Variants in NOL4L observed in about 807,000 individuals in gnomAD.
NOL4L encodes the protein nucleolar protein 4-like.
A neutral mutation model predicts 64.5 loss-of-function variants in NOL4L; 7 were observed. That is an observed-to-expected ratio of 0.11 (90% CI 0.06 to 0.20). The LOEUF is 0.20. Among genes scored for constraint, NOL4L ranks in the 10% least tolerant of loss-of-function variants. NOL4L has a pLI of 1.00. For synonymous variants in NOL4L, 413 were observed against 401.0 expected, an observed-to-expected ratio of 1.03 and a Z score of -0.36; for missense variants, 680 against 967.1, an observed-to-expected ratio of 0.70 and a Z score of 3.94.
At chr20:32,458,289 C>T (rs1384049552) in intron 5 of NOL4L, among the ~76,000 whole-genome samples, 1 of 152,230 alleles carries the variant, frequency 6.6e-6, no homozygotes, top group Non-Finnish European at 1.5e-5. Flanking sequence ...ATCTGCCTGC[C>T]ATGACACCTC....
At chr20:32,490,383 A>T (rs1028986810) in intron 4 of NOL4L, among the ~76,000 whole-genome samples, 1 of 152,004 alleles carries the variant, frequency 6.6e-6, no homozygotes, top group African/African-American at 2.4e-5. Flanking sequence ...AAGAGATGAC[A>T]TTTACTGTGA....
chr20:32,475,455 G>A (rs1212099963), intron 4 of NOL4L: 1 of 456,074 alleles, frequency 2.2e-6, no homozygotes, highest in South Asian at 9.3e-5. Context: ...CAAACAGCCG[G>A]ATGGCCTGCT....
rs1295433286 is a variant in NOL4L at position 32,452,801 on chromosome 20, G to A, written c.1620+83C>T. The A allele has an allele frequency of 1.3e-5, 21 of 1,573,670 alleles. No homozygotes were observed. The Admixed American group carries it at 3.6e-4, about 27-fold the overall frequency. On this transcript the variant is annotated intron_variant, in intron 9 of 10. Coordinates refer to ENST00000621426, the MANE Select transcript of NOL4L (RefSeq NM_001256798.2). Reference sequence around the variant, plus strand: ...CCTTCTCCCGACTGTACCCATCACAGCTCCCTCAGTCCACACCCATATAAG... The same window carrying A: ...CCTTCTCCCGACTGTACCCATCACAACTCCCTCAGTCCACACCCATATAAG...
rs984096130 is a variant in NOL4L at position 32,514,853 on chromosome 20, C to A, written c.590-3397G>T. On this transcript the variant is annotated intron_variant, in intron 3 of 10. Transcript: ENST00000621426. Reference sequence around the variant, plus strand: ...CATTTCTGTTTCCTCTAAGAGGAGGCTGTCTGGTGAGAAGCTGTTAAGCAC... The same window carrying A: ...CATTTCTGTTTCCTCTAAGAGGAGGATGTCTGGTGAGAAGCTGTTAAGCAC... Among the ~76,000 whole-genome samples the A allele has an allele frequency of 2.0e-5, 3 of 152,194 alleles. No homozygotes were observed. The South Asian group carries it at 6.2e-4, about 32-fold the overall frequency.
intron 4 of NOL4L, among the ~76,000 whole-genome samples, chr20:32,477,331 C>T (rs540236630): frequency 6.6e-6 from 1 of 152,320 alleles, no homozygotes; most frequent in South Asian, 2.1e-4. Flanking sequence ...CGAGCTAACA[C>T]GAGGCAGAGC....
At chr20:32,535,441 C>G (rs1385967540) in intron 1 of NOL4L, 1 of 239,486 alleles carries the variant, frequency 4.2e-6, no homozygotes. Context: ...TAGCACCTGC[C>G]TCTTCTCCAC....
At chr20:32,517,913 T>C (rs1318467173) in intron 3 of NOL4L, among the ~76,000 whole-genome samples, 1 of 152,220 alleles carries the variant, frequency 6.6e-6, no homozygotes. Context: ...CTGGGAGAGC[T>C]TGGATGTATG....
At chr20:32,483,495 C>G in intron 4 of NOL4L, 1 of 984,140 alleles carries the variant, frequency 1.0e-6, no homozygotes, top group Non-Finnish European at 1.2e-6. Context: ...GGGGCTGGCA[C>G]CACCGCGGCG....
chr20:32,469,282 G>A (rs1247850498), intron 5 of NOL4L, among the ~76,000 whole-genome samples: 1 of 152,144 alleles, frequency 6.6e-6, no homozygotes, highest in African/African-American at 2.4e-5. Flanking sequence ...TGGTTACTTA[G>A]ATACATAGAA....
chr20:32,498,238 C>G (rs1178819594), intron 4 of NOL4L, among the ~76,000 whole-genome samples: 2 of 152,188 alleles, frequency 1.3e-5, no homozygotes, highest in Non-Finnish European at 2.9e-5. Context: ...ACACAGACCT[C>G]TCCCAGCTCA....
chr20:32,498,655 C>A (rs991417581), intron 4 of NOL4L, among the ~76,000 whole-genome samples: 1 of 146,076 alleles, frequency 6.8e-6, no homozygotes, highest in South Asian at 2.2e-4. Context: ...TCCAGCTACT[C>A]GGGAGGCTGA....
At chr20:32,554,320 C>CA (rs58257913) in intron 1 of NOL4L, among the ~76,000 whole-genome samples, 11,973 of 63,614 alleles carry the variant, frequency 0.19, 1,849 homozygotes, top group African/African-American at 0.44. Context: ...GACTCTGCCT[C>CA]AAAAAAAAAA....
intron 1 of NOL4L, among the ~76,000 whole-genome samples, chr20:32,578,454 C>T (rs1186816716): frequency 1.3e-5 from 2 of 152,178 alleles, no homozygotes; most frequent in Non-Finnish European, 2.9e-5. Flanking sequence ...GGCATGATCA[C>T]AGCTCACTGC....
At chr20:32,506,121 C>T (rs574619476) in intron 4 of NOL4L, among the ~76,000 whole-genome samples, 2 of 152,164 alleles carry the variant, frequency 1.3e-5, no homozygotes, top group Admixed American at 1.3e-4. Context: ...TTTCCTTCTC[C>T]ATTTAGGGGG....
intron 4 of NOL4L, among the ~76,000 whole-genome samples, chr20:32,483,983 C>A (rs1353484759): frequency 6.6e-6 from 1 of 151,012 alleles, no homozygotes; most frequent in East Asian, 2.0e-4. Flanking sequence ...GGAAAGAAGG[C>A]GCTGGGATCT....
chr20:32,563,782 C>A (rs1391660092), intron 1 of NOL4L, among the ~76,000 whole-genome samples: 1 of 152,180 alleles, frequency 6.6e-6, no homozygotes, highest in African/African-American at 2.4e-5. Flanking sequence ...AGGACTTACA[C>A]CCCATGATGG....
rs557307911 is a variant in NOL4L, at chr20:32,509,611, C to A, written c.699+1736G>T. Among the ~76,000 whole-genome samples, 6 of 152,058 alleles carry A rather than the reference C, an allele frequency of 3.9e-5. No homozygotes were observed. The South Asian group carries it at 1.0e-3, about 26-fold the overall frequency. On this transcript the variant is annotated intron_variant, in intron 4 of 10. Transcript: ENST00000621426. ...AGAGCCTGGCTCACAGAACAGAGCT[C>A]CATAAATATTTGTGGAATGACTGAA...
chr20:32,462,565 T>C (rs1033566556), intron 5 of NOL4L, among the ~76,000 whole-genome samples: 42 of 150,902 alleles, frequency 2.8e-4, no homozygotes, highest in Admixed American at 1.2e-3. Flanking sequence ...CTGGGGGCAG[T>C]TGGGTTTTGA....
At chr20:32,468,753 G>C (rs1273450674) in intron 5 of NOL4L, among the ~76,000 whole-genome samples, 1 of 152,030 alleles carries the variant, frequency 6.6e-6, no homozygotes, top group Non-Finnish European at 1.5e-5. Flanking sequence ...ACAAAAATTA[G>C]CCAGGCGTGG....
Sources: allele counts gnomAD v4.1 joint callset (sites outside exome capture counted in the v4.1 genomes callset), GRCh38; gene constraint gnomAD v4.1.1; transcripts MANE v1.5; gene names NCBI Gene and HGNC (gene_info 2026-07-23, HGNC 2026-07-21).